Variants in ADAM32 observed in about 807,000 individuals in gnomAD.
ADAM32 encodes ADAM metallopeptidase domain 32.
ADAM32 carries 89 observed loss-of-function variants against 114.9 expected under a neutral mutation model. That is an observed-to-expected ratio of 0.77 (90% CI 0.65 to 0.92). ADAM32 has a LOEUF of 0.92. Among genes scored for constraint, ADAM32 ranks in the 40% least tolerant of loss-of-function variants. ADAM32 has a pLI of 0.00. For synonymous variants in ADAM32, 285 were observed against 307.5 expected (o/e 0.93, Z 0.77); for missense variants, 870 against 932.8 (o/e 0.93, Z 0.88).
At chr8:39,272,739 C>T (rs1286582804) in intron 20 of ADAM32, among the ~76,000 whole-genome samples, 1 of 152,132 alleles carries the variant, frequency 6.6e-6, no homozygotes, top group Non-Finnish European at 1.5e-5. Flanking sequence ...TGTATAAACA[C>T]TGTGCACTTA....
intron 21 of ADAM32, 64 bp downstream of exon 21, chr8:39,274,414 C>G: frequency 6.6e-7 from 1 of 1,518,858 alleles, no homozygotes; most frequent in Non-Finnish European, 9.1e-7. Context: ...TGATAATTCA[C>G]AATTTATTTC....
intron 12 of ADAM32, among the ~76,000 whole-genome samples, chr8:39,214,639 G>T (rs1171314074): frequency 2.0e-5 from 3 of 152,108 alleles, no homozygotes; most frequent in Admixed American, 1.3e-4. Context: ...TCTGTGGGTT[G>T]TGTCTTCACT....
intron 19 of ADAM32, among the ~76,000 whole-genome samples, chr8:39,262,011 G>T (rs1017707326): frequency 2.6e-5 from 4 of 152,010 alleles, no homozygotes; most frequent in Non-Finnish European, 5.9e-5. Context: ...TATGCTGATT[G>T]TTTCTTTTGC....
At chr8:39,107,872 G>C (rs1236425594) in intron 1 of ADAM32, 39 bp downstream of exon 1, 3 of 1,497,242 alleles carry the variant, frequency 2.0e-6, no homozygotes, top group Non-Finnish European at 8.9e-7. Flanking sequence ...CCGGGCGCTC[G>C]TCACACTGCG....
At chr8:39,124,147 C>T (rs1801959139) in intron 2 of ADAM32, among the ~76,000 whole-genome samples, 1 of 151,976 alleles carries the variant, frequency 6.6e-6, no homozygotes, top group South Asian at 2.1e-4. Context: ...AGCTCAGCAT[C>T]CGTTAGCTAT....
At chr8:39,227,748 T>C (rs1473963686) in intron 14 of ADAM32, among the ~76,000 whole-genome samples, 2 of 152,156 alleles carry the variant, frequency 1.3e-5, no homozygotes, top group African/African-American at 2.4e-5. Flanking sequence ...TTACCCATTC[T>C]GGTCACTGAA....
chr8:39,214,766 T>C (rs538864460), intron 12 of ADAM32, among the ~76,000 whole-genome samples: 24 of 152,214 alleles, frequency 1.6e-4, no homozygotes, highest in Non-Finnish European at 2.6e-4. Flanking sequence ...CTTTGTCCAG[T>C]CCAATGTCCT....
At chr8:39,208,530 G>A (rs1005387339) in intron 11 of ADAM32, among the ~76,000 whole-genome samples, 2 of 152,074 alleles carry the variant, frequency 1.3e-5, no homozygotes, top group African/African-American at 2.4e-5. Context: ...TTGCACATTA[G>A]CATTCTTTTC....
At chr8:39,224,402 G>A (rs1380152345) in intron 14 of ADAM32, among the ~76,000 whole-genome samples, 2 of 152,086 alleles carry the variant, frequency 1.3e-5, no homozygotes, top group African/African-American at 4.8e-5. Flanking sequence ...CAGTGTATGA[G>A]GGTTTCTTTT....
At chr8:39,109,347 A>G (rs994296753) in intron 1 of ADAM32, among the ~76,000 whole-genome samples, 6 of 152,016 alleles carry the variant, frequency 3.9e-5, no homozygotes, top group Admixed American at 1.3e-4. Context: ...GGAGTTTGAA[A>G]TCAGCCTGGC....
intron 11 of ADAM32, among the ~76,000 whole-genome samples, chr8:39,198,475 T>G (rs943613766): frequency 1.3e-5 from 2 of 152,132 alleles, no homozygotes; most frequent in African/African-American, 4.8e-5. Context: ...CCTCCCGGGT[T>G]CAAACGATTC....
Position 39,165,114 on chromosome 8 carries a change from G to A in ADAM32, c.751G>A (p.Ala251Thr), listed in dbSNP as rs1804745992. ...DENKISTVGE[A>T]DELLQKFLEW... ...AAATAAGATTTCTACAGTTGGTGAGGCAGATGAATTATTGCAAAAATTTTT... is the reference window on the plus strand; with the variant it reads ...AAATAAGATTTCTACAGTTGGTGAGACAGATGAATTATTGCAAAAATTTTT... Residue 251 changes from alanine to threonine, a missense_variant, in exon 9 of 25, where the codon GCA becomes ACA. Transcript: ENST00000379907. The A allele has an allele frequency of 6.2e-7, 1 of 1,609,204 alleles. No individual in the cohort carries two copies. The highest frequency in any genetic ancestry group is 8.5e-7 in the Non-Finnish European group (1 of 1,176,708).
At chr8:39,245,106 A>G (rs993100561) in intron 16 of ADAM32, among the ~76,000 whole-genome samples, 10 of 152,222 alleles carry the variant, frequency 6.6e-5, no homozygotes, top group Admixed American at 6.5e-4. Context: ...TATAAATACC[A>G]TGGAATCCTA....
chr8:39,158,955 A>G (rs530731728), intron 6 of ADAM32, among the ~76,000 whole-genome samples: 8 of 151,824 alleles, frequency 5.3e-5, no homozygotes, highest in African/African-American at 1.9e-4. Flanking sequence ...ATAGTTTTTC[A>G]TAGCTTTTTG....
intron 6 of ADAM32, among the ~76,000 whole-genome samples, chr8:39,155,336 T>C (rs1170726421): frequency 1.3e-5 from 2 of 152,226 alleles, no homozygotes; most frequent in African/African-American, 4.8e-5. Context: ...TTTATGGTAA[T>C]CTGTGTCAAG....
intron 11 of ADAM32, among the ~76,000 whole-genome samples, chr8:39,188,675 TA>T (rs1806407782): frequency 6.6e-6 from 1 of 152,144 alleles, no homozygotes; most frequent in African/African-American, 2.4e-5. Flanking sequence ...GGCTAAGTTA[TA>T]AAAAGGATAA....
chr8:39,195,794 A>C (rs779986658), intron 11 of ADAM32, among the ~76,000 whole-genome samples: 3 of 152,142 alleles, frequency 2.0e-5, no homozygotes, highest in African/African-American at 4.8e-5. Context: ...TTCTGAATTT[A>C]TTCCTACAGA....
chr8:39,118,100 CT>C lies in ADAM32; in HGVS notation c.75del (p.Leu26TyrfsTer4). ...LASRPGFQNSLLQIVIPEKIQ... is the reference protein window; with the variant it reads ...LASRPGFQNSXLQIVIPEKIQ... ...TATCTCTTCAGGTTTTCAAAATTCA[CT>C]TCTACAGATCGTAATTCCAGAGAAA... On this transcript the variant is annotated frameshift_variant, in exon 2 of 25. Coordinates refer to ENST00000379907, the MANE Select transcript of ADAM32 (RefSeq NM_145004.7). LOFTEE classifies it high-confidence loss of function. 1 of 1,478,064 alleles carries C rather than the reference CT, an allele frequency of 6.8e-7. No homozygotes were observed. The highest frequency in any genetic ancestry group is 9.0e-7 in the Non-Finnish European group (1 of 1,108,712). 91.6% of individuals were successfully genotyped at this position (1,478,064 alleles called of 1,614,324 possible).
At position 39,211,260 on chromosome 8, in the gene ADAM32, C is replaced by T. The variant is rs202074832; in HGVS notation, c.1169C>T (p.Pro390Leu). 1.6e-4 allele frequency: 255 copies of T among 1,601,054 alleles called. No individual in the cohort carries two copies. In the African/African-American group the frequency reaches 2.4e-3, roughly 15 times the overall value. Reference protein sequence around the residue: ...QNKPQMQKKSPKPVCGNGRLE... With the variant: ...QNKPQMQKKSLKPVCGNGRLE... Reference sequence around the variant, plus strand: ...AAGCCACAAATGCAAAAAAAATCTCCGAAACCAGTCTGTGGCAATGGCAGA... The same window carrying T: ...AAGCCACAAATGCAAAAAAAATCTCTGAAACCAGTCTGTGGCAATGGCAGA... Residue 390 changes from proline to leucine, a missense_variant, in exon 12 of 25, where the codon CCG becomes CTG. Coordinates refer to ENST00000379907, the MANE Select transcript of ADAM32 (RefSeq NM_145004.7).
Sources: allele counts gnomAD v4.1 joint callset (sites outside exome capture counted in the v4.1 genomes callset), GRCh38; gene constraint gnomAD v4.1.1; transcripts MANE v1.5; gene names NCBI Gene and HGNC (gene_info 2026-07-23, HGNC 2026-07-21).